The following CEP120 variants were observed in gnomAD, a reference collection of about 807,000 sequenced individuals.
CEP120 encodes centrosomal protein of 120 kDa.
Under a neutral mutation model 126.5 loss-of-function variants are expected in CEP120, and 113 were observed. The ratio of observed to expected loss-of-function variants is 0.89; its 90% CI spans 0.77 to 1.04. CEP120 has a LOEUF of 1.04. Among genes scored for constraint, CEP120 ranks in the 50% least tolerant of loss-of-function variants. The pLI, the probability that CEP120 is intolerant of heterozygous loss-of-function variation, is 0.00. For missense variants in CEP120, 1,230 were observed against 1,155.7 expected, an observed-to-expected ratio of 1.06 and a Z score of -0.93; for synonymous variants, 400 against 394.3, an observed-to-expected ratio of 1.01 and a Z score of -0.17.
intron 18 of CEP120, among the ~76,000 whole-genome samples, chr5:123,353,045 CTG>C (rs1262991805): frequency 6.6e-6 from 1 of 151,900 alleles, no homozygotes; most frequent in Non-Finnish European, 1.5e-5. Flanking sequence ...CTAAATACAT[CTG>C]TGTTATCTGC....
At chr5:123,381,616 T>G (rs1474886276) in intron 14 of CEP120, among the ~76,000 whole-genome samples, 1 of 152,146 alleles carries the variant, frequency 6.6e-6, no homozygotes. Context: ...TTCATAATTC[T>G]TAAAAATAGC....
At chr5:123,408,404 T>C (rs1348759726) in intron 4 of CEP120, among the ~76,000 whole-genome samples, 2 of 147,842 alleles carry the variant, frequency 1.4e-5, no homozygotes, top group East Asian at 3.9e-4. Flanking sequence ...AAAGAAAGGA[T>C]ACAAATTACC....
chr5:123,367,836 C>A (rs530871587), intron 17 of CEP120, among the ~76,000 whole-genome samples: 1 of 151,984 alleles, frequency 6.6e-6, no homozygotes, highest in Admixed American at 6.6e-5. Flanking sequence ...AAACAAAACT[C>A]TCAATCAGAC....
chr5:123,383,093 A>C lies in CEP120; in HGVS notation c.1764-11T>G. ...ATCCTGTTATTTGATCTACAAATAA[A>C]ATAAGAAATACCTTAAAATTCACAG... On this transcript the variant is annotated splice_polypyrimidine_tract_variant and intron_variant, in intron 11 of 19. Coordinates refer to ENST00000306467, the MANE Select transcript of CEP120 (RefSeq NM_001375405.1). 1 of 1,327,230 alleles carries C rather than the reference A, an allele frequency of 7.5e-7. No homozygotes were observed. Among genetic ancestry groups the C allele is most frequent in the Non-Finnish European group, 1.1e-6 (1 of 942,336 alleles). The allele number at this position is 1,327,230 out of a possible 1,614,324, so 82.2% of individuals were successfully genotyped here.
rs536685763 is a variant in CEP120, at chr5:123,399,354, GATTAT to G, written c.464-75_464-71del. 6.9e-4 allele frequency: 975 copies of G among 1,421,582 alleles called. 6 individuals are homozygous for G. In the African/African-American group the frequency reaches 0.012, roughly 18 times the overall value. 88.1% of individuals were successfully genotyped at this position (1,421,582 alleles called of 1,614,324 possible). A position where few individuals can be genotyped will look rare whatever the true frequency, so the allele number is the denominator to read the frequency against. ...AAACCATTATAAGATTTTTAAAACT[GATTAT>G]ATTTTGTAATTTGCTTGGTAATTTT... On this transcript the variant is annotated intron_variant, in intron 4 of 19. Transcript: ENST00000306467.
At chr5:123,418,602 T>A (rs1477655714) in intron 1 of CEP120, 87 bp from the exon 2 acceptor site, 2 of 729,228 alleles carry the variant, frequency 2.7e-6, no homozygotes, top group Non-Finnish European at 3.5e-6. Context: ...TTGGCTGGTT[T>A]TTTTTTTTTT....
intron 17 of CEP120, among the ~76,000 whole-genome samples, chr5:123,371,786 C>T (rs564695225): frequency 2.0e-5 from 3 of 152,182 alleles, no homozygotes; most frequent in South Asian, 2.1e-4. Flanking sequence ...CCCCTGGTGG[C>T]GTGTCTATGA....
At chr5:123,372,592 T>G in intron 17 of CEP120, 58 bp downstream of exon 17, 2 of 1,504,216 alleles carry the variant, frequency 1.3e-6, no homozygotes, top group Non-Finnish European at 1.8e-6. Flanking sequence ...ACATTATTGA[T>G]TGATTTTATA....
chr5:123,384,535 T>C (rs1425070296), intron 11 of CEP120, among the ~76,000 whole-genome samples: 1 of 152,146 alleles, frequency 6.6e-6, no homozygotes, highest in Non-Finnish European at 1.5e-5. Context: ...GACTTTTGAT[T>C]TGGGGTAGGA....
rs550983095 is a variant in CEP120, at chr5:123,402,170, G to A, written c.464-2886C>T. The A allele has an allele frequency of 4.7e-5, 74 of 1,579,530 alleles. No individual in the cohort carries two copies. In the Middle Eastern group the frequency reaches 6.0e-4, roughly 13 times the overall value. The stretch of plus-strand genomic sequence containing the variant: ...TGACCGCGGTGATGCCTCCCATGCC[G>A]CTGGCCCCACCACAGCCGCCGCCCA... On this transcript the variant is annotated intron_variant, in intron 4 of 19. Coordinates refer to ENST00000306467, the MANE Select transcript of CEP120 (RefSeq NM_001375405.1).
chr5:123,409,988 A>C (rs1439492852), intron 4 of CEP120, among the ~76,000 whole-genome samples: 4 of 132,514 alleles, frequency 3.0e-5, no homozygotes, highest in South Asian at 2.5e-4. Context: ...AAAAAAAAAA[A>C]AAACCACACA....
chr5:123,419,867 A>G (rs749147996), intron 1 of CEP120, among the ~76,000 whole-genome samples: 7 of 152,224 alleles, frequency 4.6e-5, no homozygotes, highest in African/African-American at 7.2e-5. Flanking sequence ...AAGAACATCA[A>G]CGAAGAAGCA....
chr5:123,352,431 C>T (rs1490734149), intron 18 of CEP120, among the ~76,000 whole-genome samples: 3 of 152,006 alleles, frequency 2.0e-5, no homozygotes, highest in East Asian at 1.9e-4. Flanking sequence ...AGAGCTCAAA[C>T]TGACCTAGCA....
Position 123,423,167 on chromosome 5 carries a change from G to A in CEP120, c.-169C>T. The A allele has an allele frequency of 3.2e-6, 2 of 623,378 alleles. No individual in the cohort carries two copies. The highest frequency in any genetic ancestry group is 4.3e-4 in the Middle Eastern group (1 of 2,342). The allele number at this position is 623,378 out of a possible 1,614,324, so 38.6% of individuals were successfully genotyped here. A position where few individuals can be genotyped will look rare whatever the true frequency, so the allele number is the denominator to read the frequency against. ...CACCGCCGTCTGCTGCAGCGCGCCC[G>A]GCTCCTCTGCCTCGGGCCGCCAGCC... On this transcript the variant is annotated 5_prime_UTR_variant, in exon 1 of 20. Coordinates refer to ENST00000306467, the MANE Select transcript of CEP120 (RefSeq NM_001375405.1).
rs760405806 is a variant in CEP120 at position 123,382,737 on chromosome 5, C to A, written c.2013G>T (p.Gln671His). 1.2e-6 allele frequency: 2 copies of A among 1,608,762 alleles called. No individual in the cohort carries two copies. Among genetic ancestry groups the A allele is most frequent in the Non-Finnish European group, 1.7e-6 (2 of 1,177,580 alleles). ...KEMQEDIFEN[Q>H]LKQKELAHMQ... ...TTTAAAGTAACATTTAAAAAGTAACCTGATTTTCAAATATATCTTCTTGCA... is the reference window on the plus strand; with the variant it reads ...TTTAAAGTAACATTTAAAAAGTAACATGATTTTCAAATATATCTTCTTGCA... The change falls in exon 13 of 20, where the codon CAG (glutamine) becomes CAT (histidine). Residue 671 changes from glutamine (Q) to histidine (H), a missense_variant and splice_region_variant. By Grantham distance (24) the Gln-to-His change is conservative. Transcript: ENST00000306467.
At chr5:123,377,624 G>A in intron 15 of CEP120, 89 bp from the exon 16 acceptor site, 1 of 969,718 alleles carries the variant, frequency 1.0e-6, no homozygotes, top group Non-Finnish European at 1.5e-6. Context: ...ACACTCAAAT[G>A]TTGAGGATAT....
intron 10 of CEP120, among the ~76,000 whole-genome samples, chr5:123,385,619 G>GT (rs35110133): frequency 0.012 from 1,746 of 140,604 alleles, 15 homozygotes; most frequent in Non-Finnish European, 0.018. Context: ...GACTATACCT[G>GT]TTTTTTTTTT....
chr5:123,385,158 C>T, intron 10 of CEP120, 25 bp from the exon 11 acceptor site: 1 of 1,562,580 alleles, frequency 6.4e-7, no homozygotes, highest in Non-Finnish European at 8.7e-7. Context: ...AACATGTGTT[C>T]ATACCTATCA....
chr5:123,395,115 A>C (rs1772686925), intron 5 of CEP120, among the ~76,000 whole-genome samples: 1 of 152,234 alleles, frequency 6.6e-6, no homozygotes, highest in South Asian at 2.1e-4. Flanking sequence ...AGCAATAAAA[A>C]CATTAAGAAA....
Sources: gnomAD v4.1 joint callset for allele counts (sites outside exome capture counted in the v4.1 genomes callset) on GRCh38, gnomAD v4.1.1 for gene constraint, MANE v1.5 for transcripts, NCBI Gene and HGNC (gene_info 2026-07-23, HGNC 2026-07-21) for gene names.